ZEB1: variants seen among roughly 807,000 people sequenced by gnomAD.
ZEB1 encodes zinc finger E-box binding homeobox 1, also known as zinc finger E-box-binding homeobox 1.
In ZEB1, 21 loss-of-function variants were observed where a neutral mutation model predicts 84.9. The ratio of observed to expected loss-of-function variants is 0.25; its 90% CI spans 0.18 to 0.36. The LOEUF (loss-of-function observed/expected upper bound fraction) is 0.36. Among genes scored for constraint, ZEB1 ranks in the 10% least tolerant of loss-of-function variants. ZEB1 has a pLI of 1.00. For missense variants in ZEB1, 1,104 were observed against 1,330.2 expected, an observed-to-expected ratio of 0.83 and a Z score of 2.65; for synonymous variants, 420 against 471.1, an observed-to-expected ratio of 0.89 and a Z score of 1.41.
intron 1 of ZEB1, 135 bp downstream of exon 1, chr10:31,319,427 A>C: frequency 1.2e-6 from 1 of 840,404 alleles, no homozygotes; most frequent in Non-Finnish European, 1.9e-6. Flanking sequence ...GGAAAGTAGA[A>C]AGTAGTGCTC....
intron 1 of ZEB1, among the ~76,000 whole-genome samples, chr10:31,445,028 T>C (rs1225935854): frequency 3.3e-5 from 5 of 150,468 alleles, no homozygotes; most frequent in South Asian, 2.1e-4. Context: ...TTCGCGATAT[T>C]GATTCTTCCT....
Position 31,510,813 on chromosome 10 carries a change from A to C in ZEB1, c.625A>C (p.Thr209Pro). 1 of 1,613,992 alleles carries C rather than the reference A, an allele frequency of 6.2e-7. No homozygotes were observed. Among genetic ancestry groups the C allele is most frequent in the Non-Finnish European group, 8.5e-7 (1 of 1,179,906 alleles). Residue 209 changes from threonine to proline, a missense_variant, in exon 5 of 9, where the codon ACC becomes CCC. Around this residue, in one of 7 missense-constraint regions of ZEB1, gnomAD observed 71 missense variants for 119.1 expected, o/e 0.60. Transcript: ENST00000424869. ...DNFSCSLCSY[T>P]FAYRTQLERH... is the part of the protein sequence containing the mutation. ...CTTTAGTTGCTCCCTGTGCAGTTACACCTTTGCATACAGAACCCAACTTGA... is the reference window on the plus strand; with the variant it reads ...CTTTAGTTGCTCCCTGTGCAGTTACCCCTTTGCATACAGAACCCAACTTGA...
Position 31,495,826 on chromosome 10 carries a change from G to A in ZEB1, c.310G>A (p.Ala104Thr), listed in dbSNP as rs778555980. ...GGGGCCTGAAGCTCAGGCAGATGAAGCAGGATGTACAGGTACTCTGCTGCG... is the reference window on the plus strand; with the variant it reads ...GGGGCCTGAAGCTCAGGCAGATGAAACAGGATGTACAGGTACTCTGCTGCG... ...ILGPEAQADE[A>T]GCTVKDDECE... is the part of the protein sequence containing the mutation. Residue 104 changes from alanine (A) to threonine (T), a missense_variant, in exon 3 of 9, where the codon GCA becomes ACA. By Grantham distance (58) the Ala-to-Thr change is moderately conservative (BLOSUM62 0). Around this residue, in one of 7 missense-constraint regions of ZEB1, gnomAD observed 162 missense variants for 184.5 expected, o/e 0.88. Coordinates refer to ENST00000424869, the MANE Select transcript of ZEB1 (RefSeq NM_001174096.2). 7 of 1,612,980 alleles carry A rather than the reference G, an allele frequency of 4.3e-6. No individual in the cohort carries two copies. The highest frequency in any genetic ancestry group is 1.7e-5 in the Admixed American group (1 of 59,952).
At chr10:31,515,031 G>A (rs769238145) in intron 6 of ZEB1, among the ~76,000 whole-genome samples, 1 of 151,956 alleles carries the variant, frequency 6.6e-6, no homozygotes, top group Non-Finnish European at 1.5e-5. Flanking sequence ...AATTAGCAGG[G>A]GAATGGAAAA....
intron 2 of ZEB1, among the ~76,000 whole-genome samples, chr10:31,493,190 A>G (rs2066790250): frequency 6.6e-6 from 1 of 152,000 alleles, no homozygotes; most frequent in Admixed American, 6.6e-5. Context: ...ATTTGAAGAA[A>G]GTTACATAAA....
intron 2 of ZEB1, among the ~76,000 whole-genome samples, chr10:31,493,681 A>G (rs2066853835): frequency 1.3e-5 from 2 of 152,006 alleles, no homozygotes; most frequent in South Asian, 4.1e-4. Flanking sequence ...TGATGCAGAA[A>G]GGAGCCTATC....
intron 2 of ZEB1, among the ~76,000 whole-genome samples, chr10:31,470,313 GA>G (rs1227924079): frequency 1.4e-5 from 2 of 146,436 alleles, no homozygotes; most frequent in African/African-American, 5.1e-5. Flanking sequence ...TGAAAACTTT[GA>G]AAAAAATTTA....
chr10:31,432,158 C>G (rs148017426), intron 1 of ZEB1, among the ~76,000 whole-genome samples: 1 of 152,132 alleles, frequency 6.6e-6, no homozygotes, highest in Non-Finnish European at 1.5e-5. Flanking sequence ...CAACACTGTC[C>G]GGTAGAACTT....
intron 1 of ZEB1, chr10:31,360,967 A>G: frequency 6.2e-7 from 1 of 1,603,814 alleles, no homozygotes; most frequent in Non-Finnish European, 8.5e-7. Context: ...GGCGACCGCC[A>G]CGGAGCAGTG....
chr10:31,383,575 C>G (rs1363239782), intron 1 of ZEB1, among the ~76,000 whole-genome samples: 1 of 152,046 alleles, frequency 6.6e-6, no homozygotes, highest in Non-Finnish European at 1.5e-5. Flanking sequence ...GGTTACATGA[C>G]AATAATGTAA....
chr10:31,501,983 A>G (rs1366615107), intron 3 of ZEB1, among the ~76,000 whole-genome samples: 2 of 152,302 alleles, frequency 1.3e-5, no homozygotes, highest in Middle Eastern at 3.4e-3. Flanking sequence ...ATAGGTTGCT[A>G]AGAAGGTGAC....
intron 1 of ZEB1, among the ~76,000 whole-genome samples, chr10:31,439,568 G>A (rs1359498508): frequency 6.6e-6 from 1 of 151,780 alleles, no homozygotes; most frequent in African/African-American, 2.4e-5. Flanking sequence ...ATTCCTGTCT[G>A]AATGGAACTT....
chr10:31,377,431 G>A (rs1031710479), intron 1 of ZEB1, among the ~76,000 whole-genome samples: 1 of 151,576 alleles, frequency 6.6e-6, no homozygotes, highest in Non-Finnish European at 1.5e-5. Context: ...GGCCATCTTA[G>A]CATCTCAGTA....
At chr10:31,490,871 T>G (rs2066432553) in intron 2 of ZEB1, among the ~76,000 whole-genome samples, 1 of 151,836 alleles carries the variant, frequency 6.6e-6, no homozygotes, top group Non-Finnish European at 1.5e-5. Context: ...AGGCAATTTA[T>G]CCAGTTGTAT....
At chr10:31,509,223 C>T (rs748182612) in intron 4 of ZEB1, among the ~76,000 whole-genome samples, 18 of 152,128 alleles carry the variant, frequency 1.2e-4, no homozygotes, top group Non-Finnish European at 1.8e-4. Flanking sequence ...GCTCCCTCTC[C>T]GGAGCAGCAT....
intron 1 of ZEB1, chr10:31,319,692 C>T: frequency 5.3e-6 from 1 of 187,194 alleles, no homozygotes; most frequent in Non-Finnish European, 1.1e-5. Flanking sequence ...CTCTTGTGCC[C>T]TTCGGCGCCT....
intron 1 of ZEB1, among the ~76,000 whole-genome samples, chr10:31,396,333 T>C (rs2050719179): frequency 6.6e-6 from 1 of 152,206 alleles, no homozygotes. Context: ...ACAAAAACAG[T>C]GTGATAACAC....
intron 6 of ZEB1, among the ~76,000 whole-genome samples, chr10:31,515,893 T>G (rs752111009): frequency 2.6e-5 from 4 of 152,068 alleles, no homozygotes; most frequent in Non-Finnish European, 5.9e-5. Context: ...CAGAGATGAT[T>G]TAAAGTTGTT....
intron 6 of ZEB1, among the ~76,000 whole-genome samples, chr10:31,515,687 T>G (rs545448678): frequency 6.6e-6 from 1 of 152,218 alleles, no homozygotes; most frequent in East Asian, 1.9e-4. Flanking sequence ...CCCTCAATGT[T>G]AAACGTGCTG....
Sources: allele counts gnomAD v4.1 joint callset (sites outside exome capture counted in the v4.1 genomes callset), GRCh38; gene constraint gnomAD v4.1.1; regional missense constraint gnomAD v4.1.1; transcripts MANE v1.5; gene names NCBI Gene and HGNC (gene_info 2026-07-23, HGNC 2026-07-21).